ACSS3: variants seen among roughly 807,000 people sequenced by gnomAD.
ACSS3 encodes the protein acyl-CoA synthetase short-chain family member 3, mitochondrial.
A neutral mutation model predicts 84.2 loss-of-function variants in ACSS3; 64 were observed. That is an observed-to-expected ratio of 0.76 (90% confidence interval 0.62 to 0.94). ACSS3 has a LOEUF of 0.94. ACSS3 is among the 40% of genes least tolerant of loss of function. The pLI is 0.00. For missense variants in ACSS3, 815 were observed against 867.6 expected, an observed-to-expected ratio of 0.94 and a Z score of 0.76; for synonymous variants, 317 against 310.1, an observed-to-expected ratio of 1.02 and a Z score of -0.23.
chr12:81,213,605 C>CGCT (rs2032701069), intron 9 of ACSS3, among the ~76,000 whole-genome samples: 1 of 19,836 alleles, frequency 5.0e-5, no homozygotes, highest in Non-Finnish European at 9.6e-5. Context: ...CCCTCCCCTC[C>CGCT]CCTCCCCTCC....
intron 1 of ACSS3, among the ~76,000 whole-genome samples, chr12:81,101,488 C>T (rs1290950680): frequency 6.6e-6 from 1 of 152,108 alleles, no homozygotes; most frequent in African/African-American, 2.4e-5. Context: ...TTTTTCCATA[C>T]TGCTTGTGCA....
chr12:81,189,942 T>A (rs2031480380), intron 8 of ACSS3, among the ~76,000 whole-genome samples: 1 of 152,184 alleles, frequency 6.6e-6, no homozygotes, highest in Admixed American at 6.5e-5. Context: ...CGTCCTTTTC[T>A]CACTGCTGTG....
chr12:81,247,691 T>G lies in ACSS3; in HGVS notation c.1720-5616T>G, dbSNP rs189254104. Among the ~76,000 whole-genome samples the G allele has an allele frequency of 2.0e-5, 3 of 152,248 alleles. No homozygotes were observed. In the East Asian group the frequency reaches 5.8e-4, roughly 29 times the overall value. ...TTGTCTTCTCTGTCTTTGAAATCTC[T>G]TAGAGAATTGTGAACTGATACTTTA... On this transcript the variant is annotated intron_variant, in intron 13 of 15. Coordinates refer to ENST00000548058, the MANE Select transcript of ACSS3 (RefSeq NM_024560.4).
chr12:81,094,180 CTCTCTG>C (rs1565971767), intron 1 of ACSS3, among the ~76,000 whole-genome samples: 1 of 132,840 alleles, frequency 7.5e-6, no homozygotes, highest in African/African-American at 2.5e-5. Flanking sequence ...CTCTGTCTCT[CTCTCTG>C]TGTGTGTGTG....
chr12:81,128,470 T>G (rs1373545790), intron 2 of ACSS3, among the ~76,000 whole-genome samples: 1 of 152,196 alleles, frequency 6.6e-6, no homozygotes, highest in East Asian at 1.9e-4. Context: ...CATAGTATCC[T>G]CATGCTAGCT....
chr12:81,101,989 T>C (rs1485234142), intron 1 of ACSS3, among the ~76,000 whole-genome samples: 1 of 151,954 alleles, frequency 6.6e-6, no homozygotes, highest in Non-Finnish European at 1.5e-5. Flanking sequence ...TTAAATATGT[T>C]GAAAATATGC....
At chr12:81,082,120 G>T (rs779354796) in intron 1 of ACSS3, among the ~76,000 whole-genome samples, 7 of 152,118 alleles carry the variant, frequency 4.6e-5, no homozygotes, top group African/African-American at 1.7e-4. Flanking sequence ...TTGTTATATG[G>T]ACATATTGTG....
chr12:81,260,848 T>C lies in ACSS3; in HGVS notation c.*5926T>C, dbSNP rs978182010. ...TCTTAAAAAGTATTTTTCTAAAATA[T>C]TGATTCATCGAAAGTGGTTAAATAT... On this transcript the variant is annotated 3_prime_UTR_variant, in exon 16 of 16. Transcript: ENST00000548058. The C allele has an allele frequency of 1.3e-5, 2 of 152,212 alleles. No homozygotes were observed. Among genetic ancestry groups the C allele is most frequent in the East Asian group, 1.9e-4 (1 of 5,198 alleles). 9.4% of individuals were successfully genotyped at this position (152,212 alleles called of 1,614,324 possible).
chr12:81,158,430 T>G (rs1664358435), intron 7 of ACSS3: 1 of 153,262 alleles, frequency 6.5e-6, no homozygotes, highest in African/African-American at 2.4e-5. Context: ...GATTAAGAAA[T>G]GGAATTTACT....
At position 81,113,080 on chromosome 12, in the gene ACSS3, C is replaced by T. The variant is rs1015438411; in HGVS notation, c.456+3376C>T. 2.6e-5 allele frequency among the ~76,000 whole-genome samples: 4 copies of T among 151,888 alleles called. No individual in the cohort carries two copies. The South Asian group carries it at 8.3e-4, about 32-fold the overall frequency. ...TAAATATTTGTTTTGTATGCCAAAC[C>T]CTGATAGGAATAAGAAATACAAAGT... On this transcript the variant is annotated intron_variant, in intron 2 of 15. Transcript: ENST00000548058.
At chr12:81,145,031 G>T (rs1176179586) in intron 5 of ACSS3, among the ~76,000 whole-genome samples, 3 of 147,442 alleles carry the variant, frequency 2.0e-5, no homozygotes, top group Non-Finnish European at 4.5e-5. Flanking sequence ...CCCCCGAGTA[G>T]CTGGGACTAC....
intron 1 of ACSS3, among the ~76,000 whole-genome samples, chr12:81,100,495 A>T (rs11114765): frequency 0.4 from 61,368 of 151,972 alleles, 14,042 homozygotes; most frequent in Non-Finnish European, 0.53. Flanking sequence ...CTGAGATTCT[A>T]CCCATTTCAT....
intron 1 of ACSS3, among the ~76,000 whole-genome samples, chr12:81,097,352 A>G (rs1882142555): frequency 6.6e-6 from 1 of 152,216 alleles, no homozygotes; most frequent in South Asian, 2.1e-4. Context: ...TATATGTTCC[A>G]ATAATGTTTT....
At chr12:81,178,014 C>T (rs2030623106) in intron 8 of ACSS3, among the ~76,000 whole-genome samples, 1 of 152,160 alleles carries the variant, frequency 6.6e-6, no homozygotes. Context: ...CACATGCACA[C>T]ATATGTTTAC....
At chr12:81,216,211 T>TA (rs1248277302) in intron 9 of ACSS3, among the ~76,000 whole-genome samples, 3 of 151,320 alleles carry the variant, frequency 2.0e-5, no homozygotes, top group Admixed American at 2.0e-4. Context: ...TATTATACTT[T>TA]AAATTTTAGG....
At chr12:81,211,451 A>T (rs2032590081) in intron 9 of ACSS3, among the ~76,000 whole-genome samples, 1 of 152,164 alleles carries the variant, frequency 6.6e-6, no homozygotes, top group South Asian at 2.1e-4. Context: ...GCATGCTCAC[A>T]CTTACATAAC....
At chr12:81,208,692 G>A (rs763274294) in intron 9 of ACSS3, among the ~76,000 whole-genome samples, 1 of 150,784 alleles carries the variant, frequency 6.6e-6, no homozygotes, top group Non-Finnish European at 1.5e-5. Context: ...GTCTCCCATT[G>A]TTCCTGGAAC....
chr12:81,213,590 C>CTCTCCTCTCCTCTCCTCT lies in ACSS3; in HGVS notation c.1355-3311_1355-3310insTCTCCTCTCCTCTCCTCT, dbSNP rs1565723274. Reference sequence around the variant, plus strand: ...TCCTCTCCTCTCCTCTCCTCCCCTCCCCTCCCCTCCCCTCCCCTCCCCTCC... The same window carrying CTCTCCTCTCCTCTCCTCT: ...TCCTCTCCTCTCCTCTCCTCCCCTCCTCTCCTCTCCTCTCCTCTCCTCCCCTCCCCTCCCCTCCCCTCC... On this transcript the variant is annotated intron_variant, in intron 9 of 15. Coordinates refer to ENST00000548058, the MANE Select transcript of ACSS3 (RefSeq NM_024560.4). 8.6e-4 allele frequency among the ~76,000 whole-genome samples: 8 copies of CTCTCCTCTCCTCTCCTCT among 9,312 alleles called. 1 individual carries two copies. Among genetic ancestry groups the CTCTCCTCTCCTCTCCTCT allele is most frequent in the African/African-American group, 2.5e-3 (8 of 3,216 alleles). The allele number at this position is 9,312 out of a possible 152,430, so 6.1% of individuals were successfully genotyped here. A position where few individuals can be genotyped will look rare whatever the true frequency, so the allele number is the denominator to read the frequency against.
In ACSS3 at chr12:81,253,413, G is replaced by A; in HGVS notation, c.1819+7G>A. The A allele has an allele frequency of 3.1e-6, 5 of 1,613,588 alleles. No homozygotes were observed. The highest frequency in any genetic ancestry group is 4.2e-6 in the Non-Finnish European group (5 of 1,179,598). On this transcript the variant is annotated splice_region_variant and intron_variant, in intron 14 of 15. Coordinates refer to ENST00000548058, the MANE Select transcript of ACSS3 (RefSeq NM_024560.4). Reference sequence around the variant, plus strand: ...CTCTGTGTATTGAGAAAAGGTGAGAGATCTTTTTCTCCCTGATTGCTTGGG... The same window carrying A: ...CTCTGTGTATTGAGAAAAGGTGAGAAATCTTTTTCTCCCTGATTGCTTGGG...
Sources: gnomAD v4.1 joint callset for allele counts (sites outside exome capture counted in the v4.1 genomes callset) on GRCh38, gnomAD v4.1.1 for gene constraint, MANE v1.5 for transcripts, NCBI Gene and HGNC (gene_info 2026-07-23, HGNC 2026-07-21) for gene names.